The following ZNF740 variants were observed in gnomAD, a reference collection of about 807,000 sequenced individuals.
The protein encoded by ZNF740 is zinc finger protein 740.
ZNF740 carries 14 observed loss-of-function variants against 24.8 expected under a neutral mutation model. The ratio of observed to expected loss-of-function variants is 0.56; its 90% CI spans 0.37 to 0.88. The LOEUF (loss-of-function observed/expected upper bound fraction) is 0.88. Ranked by LOEUF, ZNF740 falls within the 40% of genes least tolerant of loss-of-function variation. The probability of loss-of-function intolerance (pLI) is 0.00; values close to 1 mark genes in which losing one functional copy is unlikely to be tolerated. For synonymous variants in ZNF740, 69 were observed against 84.0 expected, an observed-to-expected ratio of 0.82 and a Z score of 0.98; for missense variants, 201 against 247.9, an observed-to-expected ratio of 0.81 and a Z score of 1.27.
chr12:53,183,213 T>C (rs1941729995), intron 2 of ZNF740, among the ~76,000 whole-genome samples: 1 of 152,274 alleles, frequency 6.6e-6, no homozygotes, highest in Non-Finnish European at 1.5e-5. Context: ...AACTTTGTGC[T>C]AGACACTGTT....
intron 2 of ZNF740, among the ~76,000 whole-genome samples, chr12:53,184,130 T>TGC (rs1941765933): frequency 7.8e-6 from 1 of 127,862 alleles, no homozygotes; most frequent in South Asian, 2.6e-4. Context: ...TGTGTGTGTG[T>TGC]GTGTGTGTGT....
At position 53,187,648 on chromosome 12, in the gene ZNF740, C is replaced by A. The variant is rs1027296050; in HGVS notation, c.*58C>A. ...GAAGAACCTGCCGAAGAGCACACCCCCTCTGGTCTGATGGTCCCACCACCG... is the reference window on the plus strand; with the variant it reads ...GAAGAACCTGCCGAAGAGCACACCCACTCTGGTCTGATGGTCCCACCACCG... On this transcript the variant is annotated 3_prime_UTR_variant, in exon 7 of 7. Transcript: ENST00000416904. 11 of 1,408,412 alleles carry A rather than the reference C, an allele frequency of 7.8e-6. No homozygotes were observed. Among genetic ancestry groups the A allele is most frequent in the South Asian group, 1.2e-5 (1 of 84,938 alleles). 87.2% of individuals were successfully genotyped at this position (1,408,412 alleles called of 1,614,324 possible).
intron 6 of ZNF740, chr12:53,186,757 C>CTTTA (rs1024662971): frequency 7.8e-5 from 29 of 371,116 alleles, no homozygotes; most frequent in African/African-American, 5.6e-4. Flanking sequence ...TGAGAGCATA[C>CTTTA]TTTACATAGA....
rs1941913233 is a variant in ZNF740 at position 53,190,553 on chromosome 12, T to A, written c.*2963T>A. On this transcript the variant is annotated 3_prime_UTR_variant, in exon 7 of 7. Transcript: ENST00000416904. Reference sequence around the variant, plus strand: ...ACTGATCACGCCCATGGCTTGACATTGGAGGGTTACATTAGTGGAGTCCGC... The same window carrying A: ...ACTGATCACGCCCATGGCTTGACATAGGAGGGTTACATTAGTGGAGTCCGC... 1 of 152,698 alleles carries A rather than the reference T, an allele frequency of 6.5e-6. No individual in the cohort carries two copies. The highest frequency in any genetic ancestry group is 2.1e-4 in the South Asian group (1 of 4,828). 9.5% of individuals were successfully genotyped at this position (152,698 alleles called of 1,614,324 possible).
Position 53,191,011 on chromosome 12 carries a change from A to T in ZNF740, c.*3421A>T, listed in dbSNP as rs1941924050. 1 of 160,710 alleles carries T rather than the reference A, an allele frequency of 6.2e-6. No individual in the cohort carries two copies. The highest frequency in any genetic ancestry group is 2.4e-5 in the African/African-American group (1 of 41,588). The allele number at this position is 160,710 out of a possible 1,614,324, so 10.0% of individuals were successfully genotyped here. A position where few individuals can be genotyped will look rare whatever the true frequency, so the allele number is the denominator to read the frequency against. ...CAGAGGAACAAGCAAGTAGGAGCAA[A>T]AACAGGGCATCAGTTCTGAGCAAGA... On this transcript the variant is annotated 3_prime_UTR_variant, in exon 7 of 7. Coordinates refer to ENST00000416904, the MANE Select transcript of ZNF740 (RefSeq NM_001004304.4).
rs556432407 is a variant in ZNF740, at chr12:53,192,066, A to T, written c.*4476A>T. The T allele has an allele frequency of 6.3e-7, 1 of 1,590,676 alleles. No homozygotes were observed. The highest frequency in any genetic ancestry group is 1.3e-5 in the African/African-American group (1 of 74,330). On this transcript the variant is annotated 3_prime_UTR_variant, in exon 7 of 7. Transcript: ENST00000416904. ...CACTTGTGGGAGCTGGAGCATAGGG[A>T]CAGATCATCAGTTGCTCACAGTGTG...
chr12:53,192,067 C>T lies in ZNF740; in HGVS notation c.*4477C>T, dbSNP rs1262028490. ...ACTTGTGGGAGCTGGAGCATAGGGA[C>T]AGATCATCAGTTGCTCACAGTGTGT... On this transcript the variant is annotated 3_prime_UTR_variant, in exon 7 of 7. Coordinates refer to ENST00000416904, the MANE Select transcript of ZNF740 (RefSeq NM_001004304.4). The T allele has an allele frequency of 4.4e-6, 7 of 1,588,360 alleles. No individual in the cohort carries two copies. The South Asian group carries it at 4.5e-5, about 10-fold the overall frequency.
chr12:53,182,697 C>CT (rs1407751375), intron 2 of ZNF740, among the ~76,000 whole-genome samples: 1 of 152,092 alleles, frequency 6.6e-6, no homozygotes, highest in Non-Finnish European at 1.5e-5. Flanking sequence ...TGATGAGGTT[C>CT]CGAGTACTGC....
At chr12:53,186,826 G>A (rs1160639232) in intron 6 of ZNF740, 12 of 209,564 alleles carry the variant, frequency 5.7e-5, no homozygotes, top group East Asian at 1.0e-4. Context: ...CTTATTTCAC[G>A]TATGGGAAAA....
rs769747911 is a variant in ZNF740, at chr12:53,191,809, T to C, written c.*4219T>C. 6 of 1,609,864 alleles carry C rather than the reference T, an allele frequency of 3.7e-6. No homozygotes were observed. The South Asian group carries it at 6.6e-5, about 18-fold the overall frequency. On this transcript the variant is annotated 3_prime_UTR_variant, in exon 7 of 7. Transcript: ENST00000416904. ...CCAGTGGGAGGAATCAGGGCTGGTCTTGTGGTGGGGGAACAGCTAAAAAGG... is the reference window on the plus strand; with the variant it reads ...CCAGTGGGAGGAATCAGGGCTGGTCCTGTGGTGGGGGAACAGCTAAAAAGG...
At chr12:53,181,304 G>A in intron 1 of ZNF740, 4 of 985,424 alleles carry the variant, frequency 4.1e-6, no homozygotes, top group Non-Finnish European at 4.8e-6. Context: ...ACCCAGCGAT[G>A]GCCCTTGAGC....
chr12:53,181,416 C>T (rs1172746680), intron 1 of ZNF740: 1 of 985,336 alleles, frequency 1.0e-6, no homozygotes, highest in African/African-American at 1.7e-5. Context: ...TTCTTCCATT[C>T]CTGAGATGGC....
chr12:53,192,505 G>C lies in ZNF740; in HGVS notation c.*4915G>C, dbSNP rs1236985418. 6.2e-7 allele frequency: 1 copy of C among 1,614,172 alleles called. No individual in the cohort carries two copies. The highest frequency in any genetic ancestry group is 8.5e-7 in the Non-Finnish European group (1 of 1,180,046). The stretch of plus-strand genomic sequence containing the variant: ...CTGTACTGCAGTTGGTGGCCAGTGG[G>C]CCAGTCCTGAAGGCCCCACACTCTG... On this transcript the variant is annotated 3_prime_UTR_variant, in exon 7 of 7. Coordinates refer to ENST00000416904, the MANE Select transcript of ZNF740 (RefSeq NM_001004304.4).
rs550035267 is a variant in ZNF740, at chr12:53,191,102, G to C, written c.*3512G>C. The C allele has an allele frequency of 2.9e-5, 6 of 210,164 alleles. No individual in the cohort carries two copies. In the East Asian group the frequency reaches 6.5e-4, roughly 23 times the overall value. 13.0% of individuals were successfully genotyped at this position (210,164 alleles called of 1,614,324 possible). On this transcript the variant is annotated 3_prime_UTR_variant, in exon 7 of 7. Transcript: ENST00000416904. ...CAACAGATGCAGTGTCTCTGACCTGGGACCCCCCTGCATCCGCAGCACTTG... is the reference window on the plus strand; with the variant it reads ...CAACAGATGCAGTGTCTCTGACCTGCGACCCCCCTGCATCCGCAGCACTTG...
At position 53,191,645 on chromosome 12, in the gene ZNF740, A is replaced by G. The variant is rs930772963; in HGVS notation, c.*4055A>G. ...TAGAGAGGATTACTGTCCTGGAGAA[A>G]GATGTTGCAGATTATAAGCAAAAAT... On this transcript the variant is annotated 3_prime_UTR_variant, in exon 7 of 7. Coordinates refer to ENST00000416904, the MANE Select transcript of ZNF740 (RefSeq NM_001004304.4). The G allele has an allele frequency of 3.7e-6, 6 of 1,610,070 alleles. No homozygotes were observed. The highest frequency in any genetic ancestry group is 2.7e-5 in the African/African-American group (2 of 74,784).
Position 53,181,795 on chromosome 12 carries a change from A to G in ZNF740, c.-189A>G. On this transcript the variant is annotated 5_prime_UTR_variant, in exon 2 of 7. Transcript: ENST00000416904. Reference sequence around the variant, plus strand: ...CAGGCAGAGTCCAGGGATTCTTGGAACACCTATCTTTTCTTCGGAGGACAC... The same window carrying G: ...CAGGCAGAGTCCAGGGATTCTTGGAGCACCTATCTTTTCTTCGGAGGACAC... The G allele has an allele frequency of 1.4e-6, 1 of 707,670 alleles. No homozygotes were observed. The highest frequency in any genetic ancestry group is 2.3e-6 in the Non-Finnish European group (1 of 433,456). 43.8% of individuals were successfully genotyped at this position (707,670 alleles called of 1,614,324 possible).
Position 53,189,634 on chromosome 12 carries a change from TGTG to T in ZNF740, c.*2047_*2049del, listed in dbSNP as rs1941890126. On this transcript the variant is annotated 3_prime_UTR_variant, in exon 7 of 7. Transcript: ENST00000416904. The stretch of plus-strand genomic sequence containing the variant: ...GCTCTATGCTGACACTCCCATTTGA[TGTG>T]GTCCAGAACTTAGACCTCAGTCCTT... 6.6e-6 allele frequency: 1 copy of T among 152,138 alleles called. No individual in the cohort carries two copies. Among genetic ancestry groups the T allele is most frequent in the African/African-American group, 2.4e-5 (1 of 41,412 alleles). 9.4% of individuals were successfully genotyped at this position (152,138 alleles called of 1,614,324 possible). A position where few individuals can be genotyped will look rare whatever the true frequency, so the allele number is the denominator to read the frequency against.
intron 4 of ZNF740, among the ~76,000 whole-genome samples, chr12:53,185,687 A>G (rs1056742481): frequency 6.6e-6 from 1 of 152,206 alleles, no homozygotes; most frequent in African/African-American, 2.4e-5. Flanking sequence ...GGGGAGCATG[A>G]GATCCCAGAT....
At chr12:53,182,626 C>T (rs915560729) in intron 2 of ZNF740, among the ~76,000 whole-genome samples, 9 of 151,924 alleles carry the variant, frequency 5.9e-5, no homozygotes, top group African/African-American at 2.2e-4. Flanking sequence ...GCTAAACAAG[C>T]GAGAAGGGTG....
Sources: gnomAD v4.1 joint callset for allele counts (sites outside exome capture counted in the v4.1 genomes callset) on GRCh38, gnomAD v4.1.1 for gene constraint, MANE v1.5 for transcripts, NCBI Gene and HGNC (gene_info 2026-07-23, HGNC 2026-07-21) for gene names.